Variants in LARGE1 observed in about 807,000 individuals in gnomAD.
The protein encoded by LARGE1 is LARGE xylosyl- and glucuronyltransferase 1.
A neutral mutation model predicts 87.6 loss-of-function variants in LARGE1; 43 were observed. The ratio of observed to expected loss-of-function variants is 0.49; its 90% CI spans 0.38 to 0.63. The LOEUF (loss-of-function observed/expected upper bound fraction) is 0.63. Ranked by LOEUF, LARGE1 falls within the 30% of genes least tolerant of loss-of-function variation. The probability of loss-of-function intolerance (pLI) is 0.00; values close to 1 mark genes in which losing one functional copy is unlikely to be tolerated. For synonymous variants in LARGE1, 434 were observed against 394.6 expected (o/e 1.10, Z -1.18); for missense variants, 802 against 1,000.2 (o/e 0.80, Z 2.67).
chr22:33,880,988 A>G (rs928683755), intron 1 of LARGE1, among the ~76,000 whole-genome samples: 2 of 152,196 alleles, frequency 1.3e-5, no homozygotes, highest in African/African-American at 4.8e-5. Flanking sequence ...ATTGCAAAGA[A>G]TAAATGCTAT....
intron 6 of LARGE1, among the ~76,000 whole-genome samples, chr22:33,516,747 G>A (rs747507082): frequency 6.6e-6 from 1 of 151,970 alleles, no homozygotes; most frequent in African/African-American, 2.4e-5. Context: ...GCGCCACCAC[G>A]CCTGGCTAAT....
intron 4 of LARGE1, among the ~76,000 whole-genome samples, chr22:33,612,284 A>G (rs936025810): frequency 1.3e-5 from 2 of 152,086 alleles, no homozygotes; most frequent in Non-Finnish European, 2.9e-5. Context: ...TTGTATTTTT[A>G]GTAGAGATGG....
chr22:33,523,758 T>C (rs747251464), intron 6 of LARGE1, among the ~76,000 whole-genome samples: 28 of 152,220 alleles, frequency 1.8e-4, no homozygotes, highest in Non-Finnish European at 4.0e-4. Flanking sequence ...GAAATAACAA[T>C]AGATGCATAT....
At chr22:33,150,896 AT>A in the LARGE1 span, among the ~76,000 whole-genome samples, 200 of 151,766 alleles carry the variant, frequency 1.3e-3, no homozygotes, top group African/African-American at 4.5e-3. Context: ...CATCCGCTTT[AT>A]TTTTTTTAGT....
chr22:33,152,631 T>A, the LARGE1 span, among the ~76,000 whole-genome samples: 3 of 152,136 alleles, frequency 2.0e-5, no homozygotes, highest in African/African-American at 7.2e-5. Context: ...GGTGTATATA[T>A]TTATGGGGTA....
At chr22:33,081,303 A>C in the LARGE1 span, among the ~76,000 whole-genome samples, 1 of 152,218 alleles carries the variant, frequency 6.6e-6, no homozygotes, top group Admixed American at 6.5e-5. Flanking sequence ...TGAACAGATT[A>C]ATACTGATAC....
chr22:33,652,061 A>T (rs1275698925), intron 2 of LARGE1, among the ~76,000 whole-genome samples: 1 of 152,132 alleles, frequency 6.6e-6, no homozygotes, highest in African/African-American at 2.4e-5. Context: ...ATACAGTCCC[A>T]GCTACTCGTG....
At chr22:33,358,554 C>G (rs932933264) in intron 9 of LARGE1, among the ~76,000 whole-genome samples, 1 of 152,032 alleles carries the variant, frequency 6.6e-6, no homozygotes, top group African/African-American at 2.4e-5. Context: ...ATAAATTGCC[C>G]CTAAGAAGAT....
At chr22:33,298,218 T>C (rs1933620482) in intron 12 of LARGE1, among the ~76,000 whole-genome samples, 1 of 152,160 alleles carries the variant, frequency 6.6e-6, no homozygotes, top group Non-Finnish European at 1.5e-5. Flanking sequence ...CGTATCTGTG[T>C]GAATCCCGAT....
chr22:33,391,714 A>G (rs569501406), intron 7 of LARGE1, among the ~76,000 whole-genome samples: 1 of 148,156 alleles, frequency 6.7e-6, no homozygotes, highest in Non-Finnish European at 1.5e-5. Context: ...GGGTGAAAAC[A>G]TTTGTCTTTG....
chr22:33,484,833 C>T (rs552262734), intron 6 of LARGE1, among the ~76,000 whole-genome samples: 7 of 151,848 alleles, frequency 4.6e-5, no homozygotes, highest in Non-Finnish European at 1.0e-4. Flanking sequence ...ATTTTTGTGA[C>T]ACTATTGCCA....
intron 6 of LARGE1, among the ~76,000 whole-genome samples, chr22:33,505,401 T>C (rs1372470425): frequency 6.6e-6 from 1 of 152,208 alleles, no homozygotes; most frequent in East Asian, 1.9e-4. Context: ...AAATGGGCTT[T>C]ACTAATCCTC....
Position 33,445,943 on chromosome 22 carries a change from C to A in LARGE1, c.788-13678G>T, listed in dbSNP as rs369680726. Among the ~76,000 whole-genome samples the A allele has an allele frequency of 2.8e-3, 427 of 151,488 alleles. 15 individuals are homozygous for A. In the South Asian group the frequency reaches 0.054, roughly 19 times the overall value. ...GGGATTACAGGCGTGAGCCACTGCA[C>A]CCGGCCCTAAGGGGGCCACTCTTAC... On this transcript the variant is annotated intron_variant, in intron 6 of 14. Transcript: ENST00000397394.
intron 6 of LARGE1, among the ~76,000 whole-genome samples, chr22:33,436,310 TC>T (rs769888565): frequency 2.6e-5 from 4 of 152,212 alleles, no homozygotes; most frequent in Non-Finnish European, 4.4e-5. Context: ...TCACTGCCTA[TC>T]CTAACCCGAA....
intron 2 of LARGE1, among the ~76,000 whole-genome samples, chr22:33,691,859 T>C (rs1157711416): frequency 6.6e-6 from 1 of 152,188 alleles, no homozygotes; most frequent in Non-Finnish European, 1.5e-5. Context: ...CCCTGGACTC[T>C]AGGAGAGCAG....
At chr22:33,166,805 G>A (rs1356386065) in exon 12 of LARGE1, 10 of 471,432 alleles carry the variant, frequency 2.1e-5, no homozygotes, top group South Asian at 1.4e-4. Context: ...AGCTGATGAT[G>A]GGAGATAGGG....
At chr22:33,600,856 G>C (rs1040080846) in intron 5 of LARGE1, among the ~76,000 whole-genome samples, 2 of 152,290 alleles carry the variant, frequency 1.3e-5, no homozygotes, top group Non-Finnish European at 2.9e-5. Flanking sequence ...CTTGAGGTCA[G>C]GCGTTCGAGA....
intron 1 of LARGE1, among the ~76,000 whole-genome samples, chr22:33,784,138 G>A (rs566585722): frequency 2.0e-5 from 3 of 152,102 alleles, no homozygotes; most frequent in African/African-American, 4.8e-5. Flanking sequence ...ATGGCTTTTC[G>A]TTTCGTTTTG....
chr22:33,682,807 A>C (rs939457725), intron 2 of LARGE1, among the ~76,000 whole-genome samples: 2 of 152,178 alleles, frequency 1.3e-5, no homozygotes, highest in Admixed American at 1.3e-4. Flanking sequence ...CTGCTATGCT[A>C]TCTGAACCCA....
Sources: allele counts gnomAD v4.1 joint callset (sites outside exome capture counted in the v4.1 genomes callset), GRCh38; gene constraint gnomAD v4.1.1; transcripts MANE v1.5; gene names NCBI Gene and HGNC (gene_info 2026-07-23, HGNC 2026-07-21).